Variants in PCDH15 observed in about 807,000 individuals in gnomAD.
PCDH15 encodes protocadherin related 15, also known as protocadherin-15.
A neutral mutation model predicts 178.5 loss-of-function variants in PCDH15; 129 were observed. The observed-to-expected ratio is 0.72, with a 90% confidence interval of 0.63 to 0.84. The LOEUF is 0.84. PCDH15 is among the 40% of genes least tolerant of loss of function. PCDH15 has a pLI of 0.00. For synonymous variants in PCDH15, 800 were observed against 732.0 expected (o/e 1.09, Z -1.50); for missense variants, 2,230 against 2,099.9 (o/e 1.06, Z -1.21).
intron 2 of PCDH15, among the ~76,000 whole-genome samples, chr10:55,434,746 C>T (rs1838998229): frequency 1.3e-5 from 2 of 151,960 alleles, no homozygotes; most frequent in Admixed American, 1.3e-4. Context: ...GCTGGGATTA[C>T]AGGTGCCCAC....
At chr10:55,323,423 T>G (rs965854878), upstream of PCDH15, among the ~76,000 whole-genome samples, 5 of 151,958 alleles carry the variant, frequency 3.3e-5, no homozygotes, top group African/African-American at 1.2e-4. Flanking sequence ...CCAGAGACAC[T>G]CAACAACAGC....
At chr10:53,967,794 A>G (rs2089202476) in intron 21 of PCDH15, among the ~76,000 whole-genome samples, 2 of 152,184 alleles carry the variant, frequency 1.3e-5, no homozygotes, top group Admixed American at 1.3e-4. Flanking sequence ...TGTATATTCT[A>G]CCGTATCTCT....
At chr10:54,380,225 TACTTTTG>T in intron 3 of PCDH15, among the ~76,000 whole-genome samples, 1 of 152,180 alleles carries the variant, frequency 6.6e-6, no homozygotes, top group East Asian at 1.9e-4. Context: ...CACATACACA[TACTTTTG>T]TAAATGGCAC....
chr10:55,188,041 G>A (rs1292162074), intron 1 of PCDH15, among the ~76,000 whole-genome samples: 1 of 151,912 alleles, frequency 6.6e-6, no homozygotes, highest in African/African-American at 2.4e-5. Context: ...AGTTTTGGAG[G>A]AGCTGAAAAT....
chr10:54,388,761 T>C (rs904148143), intron 3 of PCDH15, among the ~76,000 whole-genome samples: 2 of 152,126 alleles, frequency 1.3e-5, no homozygotes, highest in African/African-American at 4.8e-5. Flanking sequence ...ATCAAAAGCA[T>C]TGGAAAGACG....
At chr10:55,261,859 C>T (rs1443828824) in intron 1 of PCDH15, among the ~76,000 whole-genome samples, 1 of 152,034 alleles carries the variant, frequency 6.6e-6, no homozygotes, top group African/African-American at 2.4e-5. Context: ...CCCTTGGAGT[C>T]AATGATTAAA....
chr10:55,607,283 G>C (rs1218008450), intron 2 of PCDH15, among the ~76,000 whole-genome samples: 76 of 151,464 alleles, frequency 5.0e-4, no homozygotes, highest in Middle Eastern at 6.8e-3. Flanking sequence ...AATAGGAACA[G>C]TTTTACACTG....
At chr10:55,344,972 T>C (rs769668629) in intron 2 of PCDH15, among the ~76,000 whole-genome samples, 5 of 152,046 alleles carry the variant, frequency 3.3e-5, no homozygotes, top group Non-Finnish European at 7.4e-5. Flanking sequence ...CCTCTTTATC[T>C]TCCTTTTGAA....
intron 2 of PCDH15, among the ~76,000 whole-genome samples, chr10:55,000,514 A>ACAAT (rs1344554578): frequency 6.6e-6 from 1 of 152,156 alleles, no homozygotes; most frequent in Non-Finnish European, 1.5e-5. Flanking sequence ...TGCAGGTAAC[A>ACAAT]CAATCATCAC....
At chr10:55,068,265 G>T (rs952842959) in intron 2 of PCDH15, among the ~76,000 whole-genome samples, 12 of 151,914 alleles carry the variant, frequency 7.9e-5, no homozygotes, top group Non-Finnish European at 1.5e-4. Context: ...TCTATTATGA[G>T]TTTATTTTTG....
chr10:55,456,564 C>T (rs1164957643), intron 2 of PCDH15, among the ~76,000 whole-genome samples: 11 of 151,910 alleles, frequency 7.2e-5, no homozygotes, highest in Non-Finnish European at 1.2e-4. Context: ...CCTTTGGGTG[C>T]TTCTGTTTAA....
chr10:53,945,596 T>C (rs1344408373), intron 23 of PCDH15, among the ~76,000 whole-genome samples: 2 of 151,934 alleles, frequency 1.3e-5, no homozygotes, highest in African/African-American at 4.8e-5. Flanking sequence ...AACCATTTTT[T>C]TACGCTCTAC....
chr10:55,336,597 T>C (rs7902076), intron 2 of PCDH15, among the ~76,000 whole-genome samples: 80,943 of 151,962 alleles, frequency 0.53, 21,911 homozygotes, highest in African/African-American at 0.59. Flanking sequence ...ATCCTAAACG[T>C]GGAGGAAAGT....
chr10:54,888,552 A>G (rs1040862874), intron 3 of PCDH15, among the ~76,000 whole-genome samples: 1 of 151,926 alleles, frequency 6.6e-6, no homozygotes, highest in Non-Finnish European at 1.5e-5. Flanking sequence ...TTTTAGGTAA[A>G]TACTTAGGAT....
chr10:55,020,887 T>G (rs575993034), intron 2 of PCDH15, among the ~76,000 whole-genome samples: 14 of 152,156 alleles, frequency 9.2e-5, no homozygotes, highest in Non-Finnish European at 1.2e-4. Flanking sequence ...CACAAATGCA[T>G]ATCTGACTGT....
At chr10:54,688,910 T>C (rs2095064083) in intron 1 of PCDH15, among the ~76,000 whole-genome samples, 2 of 152,270 alleles carry the variant, frequency 1.3e-5, no homozygotes, top group South Asian at 4.1e-4. Flanking sequence ...AGTCAGTTAA[T>C]GCTTGTGTTG....
intron 5 of PCDH15, 149 bp downstream of exon 5, chr10:54,368,968 ACTT>A: frequency 1.3e-6 from 1 of 769,228 alleles, no homozygotes; most frequent in South Asian, 1.8e-5. Flanking sequence ...GAAGTCACAT[ACTT>A]CTTCTGAGTA....
chr10:54,103,825 C>T (rs2094857841), intron 15 of PCDH15, among the ~76,000 whole-genome samples: 1 of 152,168 alleles, frequency 6.6e-6, no homozygotes, highest in African/African-American at 2.4e-5. Flanking sequence ...TCAATAAATT[C>T]AGCCTGATTG....
At chr10:55,274,702 G>A (rs578223137) in intron 1 of PCDH15, among the ~76,000 whole-genome samples, 5 of 152,098 alleles carry the variant, frequency 3.3e-5, no homozygotes, top group Non-Finnish European at 7.3e-5. Flanking sequence ...CTGTTTCATG[G>A]AAGACAAATT....
Sources: gnomAD v4.1 joint callset for allele counts (sites outside exome capture counted in the v4.1 genomes callset) on GRCh38, gnomAD v4.1.1 for gene constraint, MANE v1.5 for transcripts, NCBI Gene and HGNC (gene_info 2026-07-23, HGNC 2026-07-21) for gene names.